The following NRP1 variants were observed in gnomAD, a reference collection of about 807,000 sequenced individuals.
NRP1 encodes neuropilin-1.
A neutral mutation model predicts 106.7 loss-of-function variants in NRP1; 35 were observed. The observed-to-expected ratio is 0.33, with a 90% confidence interval of 0.25 to 0.43. The LOEUF (loss-of-function observed/expected upper bound fraction) is 0.43. Ranked by LOEUF, NRP1 falls within the 20% of genes least tolerant of loss-of-function variation. NRP1 has a pLI of 1.00. For synonymous variants in NRP1, 437 were observed against 417.9 expected (o/e 1.05, Z -0.56); for missense variants, 1,024 against 1,170.4 (o/e 0.87, Z 1.83).
At chr10:33,331,470 T>A (rs971446120) in intron 1 of NRP1, among the ~76,000 whole-genome samples, 9 of 152,212 alleles carry the variant, frequency 5.9e-5, no homozygotes, top group Non-Finnish European at 7.3e-5. Flanking sequence ...ACAAAGTATA[T>A]TTGGTGAAGC....
chr10:33,235,114 A>G (rs1214053197), intron 6 of NRP1, among the ~76,000 whole-genome samples: 3 of 152,254 alleles, frequency 2.0e-5, no homozygotes, highest in African/African-American at 7.2e-5. Context: ...CTTTTTGCAT[A>G]AATCAGGAGC....
At chr10:33,284,231 A>G (rs1282709017) in intron 2 of NRP1, among the ~76,000 whole-genome samples, 1 of 152,222 alleles carries the variant, frequency 6.6e-6, no homozygotes. Flanking sequence ...GTTTTTACTA[A>G]AAACCAGAAT....
At position 33,254,163 on chromosome 10, in the gene NRP1, T is replaced by G. The variant is rs1309002041; in HGVS notation, c.846A>C (p.Glu282Asp). The G allele has an allele frequency of 6.2e-7, 1 of 1,613,012 alleles. No homozygotes were observed. Among genetic ancestry groups the G allele is most frequent in the East Asian group, 2.2e-5 (1 of 44,834 alleles). The change falls in exon 6 of 17, where the codon GAA becomes GAC. Residue 282 changes from glutamate (E) to aspartate (D), a missense_variant. By Grantham distance (45) the Glu-to-Asp change is conservative. Transcript: ENST00000374867. Reference protein sequence around the residue: ...DFKCMEALGMESGEIHSDQIT... With the variant: ...DFKCMEALGMDSGEIHSDQIT... ...TCTGGTCAGAATGAATTTCTCCTGA[T>G]TCCATGCCCAGAGCTTCCATACATT...
At chr10:33,217,952 G>T (rs16934209) in intron 8 of NRP1, among the ~76,000 whole-genome samples, 1 of 152,198 alleles carries the variant, frequency 6.6e-6, no homozygotes, top group East Asian at 1.9e-4. Flanking sequence ...GAATGAGAAA[G>T]TAATAACTGC....
intron 2 of NRP1, among the ~76,000 whole-genome samples, chr10:33,296,530 G>A (rs1413857909): frequency 6.6e-6 from 1 of 152,176 alleles, no homozygotes; most frequent in Non-Finnish European, 1.5e-5. Context: ...CCTGGGGAGG[G>A]TTGATCCCCA....
intron 4 of NRP1, among the ~76,000 whole-genome samples, chr10:33,262,221 C>G (rs770005067): frequency 6.6e-6 from 1 of 152,164 alleles, no homozygotes; most frequent in Non-Finnish European, 1.5e-5. Context: ...AGACTAAACA[C>G]AAGACAAGCA....
intron 11 of NRP1, chr10:33,202,577 TC>T: frequency 7.8e-7 from 1 of 1,279,344 alleles, no homozygotes; most frequent in Non-Finnish European, 1.0e-6. Flanking sequence ...TGGGGGGGGG[TC>T]TGAAAATAAT....
rs1263477154 is a variant in NRP1, at chr10:33,245,230, C to T, written c.981+8798G>A. 4.6e-5 allele frequency among the ~76,000 whole-genome samples: 7 copies of T among 152,096 alleles called. No individual in the cohort carries two copies. The East Asian group carries it at 9.6e-4, about 21-fold the overall frequency. ...AAAAAATGAATTTTAGGATCTTTTA[C>T]GCCAGCGGTTTTCAAGTGGGGGTGA... On this transcript the variant is annotated intron_variant, in intron 6 of 16. Coordinates refer to ENST00000374867, the MANE Select transcript of NRP1 (RefSeq NM_003873.7).
intron 8 of NRP1, among the ~76,000 whole-genome samples, chr10:33,216,326 A>AC (rs1181996435): frequency 6.6e-6 from 1 of 151,382 alleles, no homozygotes; most frequent in Non-Finnish European, 1.5e-5. Flanking sequence ...TTTAGTAGAG[A>AC]GGGGTTTCAC....
chr10:33,269,846 T>A lies in NRP1; in HGVS notation c.430+829A>T, dbSNP rs924347244. ...TACGAGAATCTAATGCCTGAGGATCTGTCACTGTCTCCCATCACCTGTATA... is the reference window on the plus strand; with the variant it reads ...TACGAGAATCTAATGCCTGAGGATCAGTCACTGTCTCCCATCACCTGTATA... On this transcript the variant is annotated intron_variant, in intron 3 of 16. Coordinates refer to ENST00000374867, the MANE Select transcript of NRP1 (RefSeq NM_003873.7). Among the ~76,000 whole-genome samples, 4 of 152,360 alleles carry A rather than the reference T, an allele frequency of 2.6e-5. No homozygotes were observed. In the East Asian group the frequency reaches 5.8e-4, roughly 22 times the overall value.
chr10:33,270,328 ATTT>A (rs11457192), intron 3 of NRP1, among the ~76,000 whole-genome samples: 16 of 142,950 alleles, frequency 1.1e-4, no homozygotes, highest in African/African-American at 4.2e-4. Flanking sequence ...TGTTAAATAA[ATTT>A]TTTTTTTTTT....
At chr10:33,237,530 T>A (rs942388275) in intron 6 of NRP1, among the ~76,000 whole-genome samples, 7 of 149,522 alleles carry the variant, frequency 4.7e-5, no homozygotes, top group African/African-American at 1.7e-4. Context: ...TCCCACCCAA[T>A]TGCTTACATT....
rs563525588 is a variant in NRP1 at position 33,256,169 on chromosome 10, A to G, written c.814+147T>C. Reference sequence around the variant, plus strand: ...CAAACAGTTCTTCCTATTGATACTCATAAAAAAACATTTAGAAGAGAAAAA... The same window carrying G: ...CAAACAGTTCTTCCTATTGATACTCGTAAAAAAACATTTAGAAGAGAAAAA... On this transcript the variant is annotated intron_variant, in intron 5 of 16. Coordinates refer to ENST00000374867, the MANE Select transcript of NRP1 (RefSeq NM_003873.7). 158 of 756,104 alleles carry G rather than the reference A, an allele frequency of 2.1e-4. No individual in the cohort carries two copies. The East Asian group carries it at 4.0e-3, about 19-fold the overall frequency. 46.8% of individuals were successfully genotyped at this position (756,104 alleles called of 1,614,324 possible).
At position 33,192,359 on chromosome 10, in the gene NRP1, G is replaced by A; in HGVS notation, c.1984C>T (p.His662Tyr). 1.2e-6 allele frequency: 2 copies of A among 1,613,824 alleles called. No homozygotes were observed. The highest frequency in any genetic ancestry group is 1.7e-6 in the Non-Finnish European group (2 of 1,179,882). Residue 662 changes from histidine (H) to tyrosine (Y), a missense_variant, in exon 13 of 17, where the codon CAC becomes TAC. His to Tyr is a moderately conservative substitution (Grantham distance 83). This residue lies in a region of NRP1 where 562 missense variants were observed against 620.3 expected (regional missense o/e 0.91). Transcript: ENST00000374867. Reference sequence around the variant, plus strand: ...TGCACGTGATTGTCATGTTCCCAGTGGCAGAAGGTCTTGTGAGAGCCCCAG... The same window carrying A: ...TGCACGTGATTGTCATGTTCCCAGTAGCAGAAGGTCTTGTGAGAGCCCCAG... ...FGWGSHKTFC[H>Y]WEHDNHVQLK...
rs1228725168 is a variant in NRP1 at position 33,177,676 on chromosome 10, T to C, written c.*2400A>G. On this transcript the variant is annotated 3_prime_UTR_variant, in exon 17 of 17. Transcript: ENST00000374867. ...GAAACAACAATTTACAAGTGTCATA[T>C]TGTCATAGAAAATAATAATTTCTGT... 6.6e-6 allele frequency: 1 copy of C among 152,630 alleles called. No individual in the cohort carries two copies. Among genetic ancestry groups the C allele is most frequent in the Admixed American group, 6.5e-5 (1 of 15,280 alleles). 9.5% of individuals were successfully genotyped at this position (152,630 alleles called of 1,614,324 possible).
intron 12 of NRP1, among the ~76,000 whole-genome samples, chr10:33,195,083 C>T (rs1588697525): frequency 6.6e-6 from 1 of 152,180 alleles, no homozygotes; most frequent in South Asian, 2.1e-4. Flanking sequence ...AGAGCAAGTA[C>T]CAGCTGTGCT....
At chr10:33,302,427 T>C (rs1005088859) in intron 2 of NRP1, among the ~76,000 whole-genome samples, 2 of 152,198 alleles carry the variant, frequency 1.3e-5, no homozygotes, top group African/African-American at 2.4e-5. Context: ...ACAGGAAAGA[T>C]TTCCTCTGAG....
intron 2 of NRP1, among the ~76,000 whole-genome samples, chr10:33,285,889 C>T (rs1405876847): frequency 6.6e-6 from 1 of 151,886 alleles, no homozygotes; most frequent in Non-Finnish European, 1.5e-5. Context: ...AGAAAACCTA[C>T]AAGAAGGGGA....
chr10:33,332,742 G>C (rs141806161), intron 1 of NRP1, among the ~76,000 whole-genome samples: 3 of 152,290 alleles, frequency 2.0e-5, no homozygotes, highest in East Asian at 3.9e-4. Flanking sequence ...ACATGGCTTT[G>C]AGAGGTCTGC....
Sources: gnomAD v4.1 joint callset for allele counts (sites outside exome capture counted in the v4.1 genomes callset) on GRCh38, gnomAD v4.1.1 for gene constraint, gnomAD v4.1.1 regional missense constraint, MANE v1.5 for transcripts, NCBI Gene and HGNC (gene_info 2026-07-23, HGNC 2026-07-21) for gene names.